The following CROCC variants were observed in gnomAD, a reference collection of about 807,000 sequenced individuals.
CROCC encodes rootletin.
CROCC carries 180 observed loss-of-function variants against 245.2 expected under a neutral mutation model. The observed-to-expected ratio is 0.73, with a 90% CI of 0.65 to 0.83. The LOEUF is 0.83. CROCC is among the 40% of genes least tolerant of loss of function. The pLI, the probability that CROCC is intolerant of heterozygous loss-of-function variation, is 0.00. For synonymous variants in CROCC, 1,205 were observed against 1,241.6 expected, an observed-to-expected ratio of 0.97 and a Z score of 0.62; for missense variants, 2,688 against 2,779.4, an observed-to-expected ratio of 0.97 and a Z score of 0.74.
At chr1:16,951,245 C>A in intron 20 of CROCC, 123 bp downstream of exon 20, 1 of 891,490 alleles carries the variant, frequency 1.1e-6, no homozygotes, top group Non-Finnish European at 1.6e-6. Context: ...GTCCTGGGGA[C>A]AGCTAGGAGG....
chr1:16,963,984 A>T (rs1161577363), intron 27 of CROCC, among the ~76,000 whole-genome samples: 6 of 151,392 alleles, frequency 4.0e-5, no homozygotes, highest in Admixed American at 3.9e-4. Flanking sequence ...TTTAGTAGAG[A>T]TGGGGGTTTC....
chr1:16,948,552 C>T, intron 18 of CROCC, 28 bp downstream of exon 18: 2 of 1,501,932 alleles, frequency 1.3e-6, no homozygotes, highest in Non-Finnish European at 1.8e-6. Context: ...GCCCAACCCG[C>T]CCTGGGGGGT....
Position 16,924,329 on chromosome 1 carries a change from GC to G in CROCC, c.202del (p.Leu68CysfsTer139). The G allele has an allele frequency of 6.2e-7, 1 of 1,612,114 alleles. No individual in the cohort carries two copies. Among genetic ancestry groups the G allele is most frequent in the Non-Finnish European group, 8.5e-7 (1 of 1,179,508 alleles). ...GTGCCCACTGTCCCTTGCCAGTCCT[GC>G]TGCCGGCCACAGAGATGGCATCGCT... ...NLSQPESPVL[L>X]PATEMASLLS... On this transcript the variant is annotated frameshift_variant, in exon 3 of 37. Coordinates refer to ENST00000375541, the MANE Select transcript of CROCC (RefSeq NM_014675.5). LOFTEE classifies it high-confidence loss of function.
rs946904382 is a variant in CROCC at position 16,956,024 on chromosome 1, G to A, written c.3732G>A (p.Glu1244=). ...TGAAGCTTGCCAATGAGGACAAGGA[G>A]CAGAAGCTGGCACTCCTAGAGGAGG... ...ISLKLANEDK[E]QKLALLEEAR... The change falls in exon 25 of 37, where the codon GAG becomes GAA. Residue 1244 remains glutamate, a synonymous_variant. Coordinates refer to ENST00000375541, the MANE Select transcript of CROCC (RefSeq NM_014675.5). 32 of 1,550,840 alleles carry A rather than the reference G, an allele frequency of 2.1e-5. No individual in the cohort carries two copies. Among genetic ancestry groups the A allele is most frequent in the Non-Finnish European group, 2.8e-5 (32 of 1,147,056 alleles).
chr1:16,963,528 C>A (rs1403670925), intron 27 of CROCC, among the ~76,000 whole-genome samples: 1 of 152,202 alleles, frequency 6.6e-6, no homozygotes, highest in Non-Finnish European at 1.5e-5. Flanking sequence ...CTTTGGGAAC[C>A]TCTGAGCGAG....
chr1:16,963,042 G>A (rs942716472), intron 27 of CROCC, among the ~76,000 whole-genome samples: 1 of 151,882 alleles, frequency 6.6e-6, no homozygotes, highest in African/African-American at 2.4e-5. Flanking sequence ...AATTAGTCAA[G>A]TGTGGTGGCA....
Position 16,939,087 on chromosome 1 carries a change from C to A in CROCC, c.1553C>A (p.Ser518Tyr). Reference sequence around the variant, plus strand: ...GGCCCCTCCCCGGCCTGCTCAGACTCCTCCACGCTCGCCCTGATCCACTCC... The same window carrying A: ...GGCCCCTCCCCGGCCTGCTCAGACTACTCCACGCTCGCCCTGATCCACTCC... ...RRGPSPACSD[S>Y]STLALIHSAL... The change falls in exon 12 of 37, where the codon TCC becomes TAC. Residue 518 changes from serine (S) to tyrosine (Y), a missense_variant. Ser to Tyr is a moderately radical substitution (Grantham distance 144). This residue lies in a region of CROCC where 972 missense variants were observed against 895.3 expected (regional missense o/e 1.09). Transcript: ENST00000375541. 1 of 1,580,940 alleles carries A rather than the reference C, an allele frequency of 6.3e-7. No homozygotes were observed. The highest frequency in any genetic ancestry group is 8.5e-7 in the Non-Finnish European group (1 of 1,169,918).
intron 13 of CROCC, among the ~76,000 whole-genome samples, chr1:16,943,239 TAA>T (rs61046288): frequency 7.2e-3 from 976 of 135,176 alleles, no homozygotes; most frequent in African/African-American, 0.025. Flanking sequence ...AGATGCCGTC[TAA>T]AAAAAAAAAA....
intron 20 of CROCC, among the ~76,000 whole-genome samples, chr1:16,952,625 C>T (rs1383816600): frequency 1.3e-5 from 2 of 152,150 alleles, no homozygotes; most frequent in African/African-American, 4.8e-5. Flanking sequence ...CTGTCCAGTC[C>T]CCAGGGATCT....
At chr1:16,968,535 T>A in intron 31 of CROCC, 117 bp downstream of exon 31, 1 of 1,070,376 alleles carries the variant, frequency 9.3e-7, no homozygotes, top group Non-Finnish European at 1.3e-6. Flanking sequence ...CATCCCCATT[T>A]CACAGATGGA....
In CROCC at chr1:16,966,379, A is replaced by T; in HGVS notation, c.4697-29A>T. 6.7e-7 allele frequency: 1 copy of T among 1,500,166 alleles called. No individual in the cohort carries two copies. Among genetic ancestry groups the T allele is most frequent in the Non-Finnish European group, 8.9e-7 (1 of 1,124,572 alleles). 92.9% of individuals were successfully genotyped at this position (1,500,166 alleles called of 1,614,324 possible). A position where few individuals can be genotyped will look rare whatever the true frequency, so the allele number is the denominator to read the frequency against. On this transcript the variant is annotated intron_variant, in intron 29 of 36. Coordinates refer to ENST00000375541, the MANE Select transcript of CROCC (RefSeq NM_014675.5). This position sits in a 1 kb window ranked among gnomAD's most constrained non-coding sequence, Gnocchi z 4.8. Reference sequence around the variant, plus strand: ...TTGGGTCTCGGGGCTGTGCTTGGCCATGCCTGACGGGGTGGGTGGTGGCTA... The same window carrying T: ...TTGGGTCTCGGGGCTGTGCTTGGCCTTGCCTGACGGGGTGGGTGGTGGCTA...
chr1:16,953,289 C>G lies in CROCC; in HGVS notation c.3007-13C>G. On this transcript the variant is annotated splice_polypyrimidine_tract_variant and intron_variant, in intron 20 of 36. Transcript: ENST00000375541. The stretch of plus-strand genomic sequence containing the variant: ...TCCTGGTGTGTCACAGGCATCCGGT[C>G]CTGGCCCCCTAGGAGGCAGCATGGC... 6.4e-7 allele frequency: 1 copy of G among 1,569,280 alleles called. No individual in the cohort carries two copies. The highest frequency in any genetic ancestry group is 8.6e-7 in the Non-Finnish European group (1 of 1,159,662).
chr1:16,922,825 C>T (rs779224806), intron 2 of CROCC, 27 bp downstream of exon 2: 31 of 1,603,300 alleles, frequency 1.9e-5, no homozygotes, highest in South Asian at 1.3e-4. Context: ...CTCCCCTCCA[C>T]AAACACCACC....
intron 1 of CROCC, among the ~76,000 whole-genome samples, chr1:16,916,693 G>A (rs1390372712): frequency 6.6e-6 from 1 of 152,176 alleles, no homozygotes; most frequent in Non-Finnish European, 1.5e-5. Context: ...TTATTTTTTT[G>A]GCAGAGATGG....
chr1:16,927,369 A>G (rs1294869457), intron 3 of CROCC, among the ~76,000 whole-genome samples: 5 of 152,376 alleles, frequency 3.3e-5, no homozygotes, highest in East Asian at 1.9e-4. Context: ...ACAGCCACCA[A>G]TCGGCCCACA....
intron 31 of CROCC, 53 bp from the exon 32 acceptor site, chr1:16,969,063 G>A: frequency 6.6e-7 from 1 of 1,523,020 alleles, no homozygotes; most frequent in Non-Finnish European, 8.9e-7. Context: ...GGGAGCAGAG[G>A]TATAGAGGCC....
chr1:16,969,014 G>A, intron 31 of CROCC, 102 bp from the exon 32 acceptor site: 1 of 1,099,652 alleles, frequency 9.1e-7, no homozygotes, highest in East Asian at 2.6e-5. Context: ...AGAGAAGTGG[G>A]AAGGGTGTGG....
chr1:16,969,041 G>A, intron 31 of CROCC, 75 bp from the exon 32 acceptor site: 1 of 1,375,886 alleles, frequency 7.3e-7, no homozygotes, highest in African/African-American at 1.4e-5. Context: ...CATGCCAGGT[G>A]GAGGTCACAG....
In CROCC at chr1:16,930,314, G is replaced by T. The variant is rs770661457; in HGVS notation, c.650G>T (p.Ser217Ile). The change falls in exon 6 of 37, where the codon AGC (serine) becomes ATC (isoleucine). Residue 217 changes from serine (S) to isoleucine (I), a missense_variant. By Grantham distance (142) the Ser-to-Ile change is moderately radical. Transcript: ENST00000375541. ...RDTEHSQDLE[S>I]ALIRLEEEQQ... ...ACAGAGCACAGCCAAGACCTGGAAA[G>T]CGCCCTCATCCGGCTGGAGGAGGAG... 9 of 1,608,200 alleles carry T rather than the reference G, an allele frequency of 5.6e-6. No homozygotes were observed. The highest frequency in any genetic ancestry group is 7.6e-6 in the Non-Finnish European group (9 of 1,178,096).
Sources: gnomAD v4.1 joint callset for allele counts (sites outside exome capture counted in the v4.1 genomes callset) on GRCh38, gnomAD v4.1.1 for gene constraint, gnomAD v4.1.1 regional missense constraint, Gnocchi (gnomAD v3.1) non-coding constraint, MANE v1.5 for transcripts, NCBI Gene and HGNC (gene_info 2026-07-23, HGNC 2026-07-21) for gene names.